The following MEI1 variants were observed in gnomAD, a reference collection of about 807,000 sequenced individuals.
The protein encoded by MEI1 is meiosis inhibitor protein 1.
MEI1 carries 103 observed loss-of-function variants against 146.2 expected under a neutral mutation model. The ratio of observed to expected loss-of-function variants is 0.70; its 90% CI spans 0.60 to 0.83. The LOEUF (loss-of-function observed/expected upper bound fraction) is 0.83, where lower values mean the gene tolerates loss of function less well. Ranked by LOEUF, MEI1 falls within the 40% of genes least tolerant of loss-of-function variation. The probability of loss-of-function intolerance (pLI) is 0.00; values close to 1 mark genes in which losing one functional copy is unlikely to be tolerated. For synonymous variants in MEI1, 652 were observed against 628.2 expected (o/e 1.04, Z -0.57); for missense variants, 1,529 against 1,533.0 (o/e 1.00, Z 0.04).
chr22:41,758,441 C>T lies in MEI1; in HGVS notation c.2028C>T (p.Phe676=), dbSNP rs767343339. The part of the protein sequence containing the change: ...ISSRSPESLA[F]LSDRQYMEGA... ...GCAGGAGCCCTGAAAGCCTTGCCTT[C>T]CTGTCTGATCGCCAGTACATGGAGG... Residue 676 remains phenylalanine (F), a synonymous_variant, in exon 18 of 31, where the codon TTC becomes TTT. Transcript: ENST00000401548. The T allele has an allele frequency of 1.2e-6, 2 of 1,613,876 alleles. No individual in the cohort carries two copies. The highest frequency in any genetic ancestry group is 4.5e-5 in the East Asian group (2 of 44,890).
intron 6 of MEI1, among the ~76,000 whole-genome samples, chr22:41,722,934 C>A (rs1320020941): frequency 1.3e-5 from 2 of 152,188 alleles, no homozygotes; most frequent in African/African-American, 4.8e-5. Flanking sequence ...CTTATGTGGT[C>A]TTTTGTGACT....
intron 22 of MEI1, among the ~76,000 whole-genome samples, chr22:41,780,641 CATG>C (rs1426699350): frequency 6.8e-6 from 1 of 146,678 alleles, no homozygotes; most frequent in African/African-American, 2.6e-5. Flanking sequence ...AGTATAATAG[CATG>C]ATAACTGCTC....
rs910224932 is a variant in MEI1 at position 41,771,080 on chromosome 22, C to T, written c.2544+119C>T. The T allele has an allele frequency of 4.5e-6, 5 of 1,121,010 alleles. No individual in the cohort carries two copies. The South Asian group carries it at 6.0e-5, about 13-fold the overall frequency. The allele number at this position is 1,121,010 out of a possible 1,614,324, so 69.4% of individuals were successfully genotyped here. On this transcript the variant is annotated intron_variant, in intron 20 of 30. Coordinates refer to ENST00000401548, the MANE Select transcript of MEI1 (RefSeq NM_152513.4). ...CTTCAGCCCACCTCCAGACTTATCA[C>T]TGTCTGCATGTGAGTTGGAGGGGTG...
At chr22:41,781,567 C>A (rs1264336287) in intron 23 of MEI1, 118 bp from the exon 24 acceptor site, 1 of 1,295,896 alleles carries the variant, frequency 7.7e-7, no homozygotes, top group Non-Finnish European at 1.1e-6. Context: ...ACCCTTAGAG[C>A]CTCAGGATGA....
intron 17 of MEI1, among the ~76,000 whole-genome samples, chr22:41,754,438 G>A (rs9611654): frequency 1.4e-5 from 2 of 141,472 alleles, no homozygotes; most frequent in Non-Finnish European, 3.0e-5. Flanking sequence ...TTTTCTTTTT[G>A]TTTTTCTTTT....
At chr22:41,753,298 G>A (rs868466194) in intron 16 of MEI1, among the ~76,000 whole-genome samples, 15 of 151,972 alleles carry the variant, frequency 9.9e-5, no homozygotes, top group Non-Finnish European at 1.8e-4. Context: ...CACCGTGGCT[G>A]GCCACAAAAG....
chr22:41,708,563 C>T (rs2147259428), intron 3 of MEI1, among the ~76,000 whole-genome samples: 1 of 152,274 alleles, frequency 6.6e-6, no homozygotes, highest in South Asian at 2.1e-4. Context: ...ATCGGAAAGC[C>T]ACTATAAAAC....
chr22:41,788,872 T>C, intron 26 of MEI1, among the ~76,000 whole-genome samples: 1 of 152,244 alleles, frequency 6.6e-6, no homozygotes, highest in African/African-American at 2.4e-5. Flanking sequence ...AGGGTCTTGC[T>C]GTCGCCCAAG....
At chr22:41,734,069 A>G (rs1294101536) in intron 11 of MEI1, among the ~76,000 whole-genome samples, 1 of 152,044 alleles carries the variant, frequency 6.6e-6, no homozygotes, top group Non-Finnish European at 1.5e-5. Context: ...CGGAGGTTGC[A>G]GTGAGTGGAG....
chr22:41,750,576 G>C (rs1472189745), intron 15 of MEI1, among the ~76,000 whole-genome samples: 2 of 152,080 alleles, frequency 1.3e-5, no homozygotes, highest in Non-Finnish European at 2.9e-5. Context: ...TGAGAAATGG[G>C]GGTGTGAGTA....
At chr22:41,701,527 G>T (rs1358312850) in intron 1 of MEI1, among the ~76,000 whole-genome samples, 1 of 152,044 alleles carries the variant, frequency 6.6e-6, no homozygotes, top group Non-Finnish European at 1.5e-5. Context: ...GTGGACCTCT[G>T]GGAAGTGTTT....
chr22:41,763,518 C>A (rs2074644353), intron 19 of MEI1, among the ~76,000 whole-genome samples, 197 bp downstream of exon 19: 1 of 57,862 alleles, frequency 1.7e-5, no homozygotes, highest in South Asian at 4.8e-4. Flanking sequence ...CTCAGCCTTC[C>A]TGGGAGGAAG....
chr22:41,730,704 C>A, intron 9 of MEI1, 67 bp downstream of exon 9: 2 of 995,588 alleles, frequency 2.0e-6, no homozygotes, highest in Admixed American at 1.7e-5. Flanking sequence ...GGGTAGCAGC[C>A]GCAGTGATGG....
intron 6 of MEI1, among the ~76,000 whole-genome samples, chr22:41,721,184 C>T (rs1000419324): frequency 2.0e-5 from 3 of 150,936 alleles, no homozygotes; most frequent in African/African-American, 7.3e-5. Flanking sequence ...AGGATATGTC[C>T]GCCTCGGCCT....
chr22:41,728,755 A>G (rs962379200), intron 7 of MEI1, among the ~76,000 whole-genome samples: 3 of 149,596 alleles, frequency 2.0e-5, no homozygotes, highest in Non-Finnish European at 4.5e-5. Flanking sequence ...CAGCTACTTG[A>G]GGGGCTGAGG....
At chr22:41,781,925 C>A in intron 24 of MEI1, 80 bp downstream of exon 24, 1 of 1,506,888 alleles carries the variant, frequency 6.6e-7, no homozygotes, top group East Asian at 2.3e-5. Flanking sequence ...CTGGTCCCAG[C>A]TCTGGGGGCT....
intron 26 of MEI1, among the ~76,000 whole-genome samples, chr22:41,790,237 C>T (rs2076129654): frequency 6.6e-6 from 1 of 152,104 alleles, no homozygotes. Context: ...CACTTGCCAC[C>T]ATACCTGGCT....
At chr22:41,786,111 C>T (rs924679711) in intron 26 of MEI1, among the ~76,000 whole-genome samples, 6 of 149,954 alleles carry the variant, frequency 4.0e-5, no homozygotes, top group Admixed American at 6.7e-5. Flanking sequence ...GGGGTTTCAC[C>T]GTGTTAGCCA....
At chr22:41,761,945 G>A (rs2074519846) in intron 18 of MEI1, among the ~76,000 whole-genome samples, 1 of 152,164 alleles carries the variant, frequency 6.6e-6, no homozygotes, top group Admixed American at 6.6e-5. Flanking sequence ...TGAGCATAAT[G>A]TTTGTACCGT....
Sources: allele counts gnomAD v4.1 joint callset (sites outside exome capture counted in the v4.1 genomes callset), GRCh38; gene constraint gnomAD v4.1.1; transcripts MANE v1.5; gene names NCBI Gene and HGNC (gene_info 2026-07-23, HGNC 2026-07-21).